DHRS7B: variants seen among roughly 807,000 people sequenced by gnomAD.
DHRS7B encodes the protein dehydrogenase/reductase 7B, also known as peroxisomal reductase activating PPAR-gamma.
Under a neutral mutation model 26.4 loss-of-function variants are expected in DHRS7B, and 24 were observed. The ratio of observed to expected loss-of-function variants is 0.91; its 90% CI spans 0.66 to 1.28. DHRS7B has a LOEUF of 1.28. Among genes scored for constraint, DHRS7B ranks in the 50% most tolerant of loss-of-function variants. DHRS7B has a pLI of 0.00. For synonymous variants in DHRS7B, 142 were observed against 166.4 expected (o/e 0.85, Z 1.13); for missense variants, 368 against 419.4 (o/e 0.88, Z 1.07).
chr17:21,152,744 C>T (rs1175847508), intron 1 of DHRS7B, among the ~76,000 whole-genome samples: 1 of 152,212 alleles, frequency 6.6e-6, no homozygotes, highest in Non-Finnish European at 1.5e-5. Context: ...AAGGGTAATA[C>T]TCAACCTCAG....
chr17:21,148,558 A>G (rs2143973972), intron 1 of DHRS7B, among the ~76,000 whole-genome samples: 1 of 152,240 alleles, frequency 6.6e-6, no homozygotes, highest in South Asian at 2.1e-4. Flanking sequence ...AGCCTGGCCA[A>G]TGTGGTGAAA....
intron 1 of DHRS7B, among the ~76,000 whole-genome samples, chr17:21,133,929 A>G (rs1269547664): frequency 2.0e-5 from 3 of 152,098 alleles, no homozygotes; most frequent in East Asian, 3.9e-4. Flanking sequence ...ATAGGTTGCT[A>G]TTATTTTCTT....
intron 6 of DHRS7B, 88 bp from the exon 7 acceptor site, chr17:21,190,857 CAGG>C: frequency 7.5e-7 from 1 of 1,329,948 alleles, no homozygotes. Flanking sequence ...GGAAAGGCAG[CAGG>C]CTGACCTGAC....
chr17:21,143,265 G>A (rs1973566807), intron 1 of DHRS7B, among the ~76,000 whole-genome samples: 1 of 152,138 alleles, frequency 6.6e-6, no homozygotes, highest in Non-Finnish European at 1.5e-5. Flanking sequence ...GTTTCACCCT[G>A]TTGGCCAAGC....
chr17:21,164,416 TAG>T (rs1158900140), intron 1 of DHRS7B, among the ~76,000 whole-genome samples: 2 of 152,214 alleles, frequency 1.3e-5, no homozygotes, highest in Non-Finnish European at 2.9e-5. Context: ...CCTTTTAAAC[TAG>T]ATTCCTGAAC....
At chr17:21,187,232 G>A (rs908247670) in intron 5 of DHRS7B, among the ~76,000 whole-genome samples, 3 of 151,708 alleles carry the variant, frequency 2.0e-5, no homozygotes, top group African/African-American at 7.3e-5. Context: ...GAAGTGGGAG[G>A]ATTGCTTGAG....
chr17:21,162,600 T>C (rs1385998056), intron 1 of DHRS7B, among the ~76,000 whole-genome samples: 1 of 152,044 alleles, frequency 6.6e-6, no homozygotes, highest in Non-Finnish European at 1.5e-5. Flanking sequence ...GGGAAATCAT[T>C]GTGATGTTTT....
chr17:21,158,840 G>A (rs1311379108), intron 1 of DHRS7B, among the ~76,000 whole-genome samples: 2 of 151,852 alleles, frequency 1.3e-5, no homozygotes, highest in Non-Finnish European at 2.9e-5. Context: ...GAAACAACAA[G>A]TAGATCAATG....
chr17:21,175,257 C>T (rs1974349244), intron 2 of DHRS7B, among the ~76,000 whole-genome samples: 1 of 152,204 alleles, frequency 6.6e-6, no homozygotes, highest in East Asian at 1.9e-4. Flanking sequence ...AGTTTCTTCT[C>T]CTCCCATGTT....
intron 1 of DHRS7B, among the ~76,000 whole-genome samples, chr17:21,161,930 A>G (rs913370642): frequency 6.6e-6 from 1 of 152,062 alleles, no homozygotes; most frequent in Non-Finnish European, 1.5e-5. Context: ...AAACGTTTTC[A>G]GGAGAGTTGT....
intron 5 of DHRS7B, among the ~76,000 whole-genome samples, chr17:21,184,784 A>G (rs1974594723): frequency 6.6e-6 from 1 of 152,218 alleles, no homozygotes; most frequent in African/African-American, 2.4e-5. Flanking sequence ...AGCACTAGGC[A>G]TGTGCTAGCC....
At chr17:21,131,928 T>A (rs150145920) in intron 1 of DHRS7B, among the ~76,000 whole-genome samples, 23 of 152,306 alleles carry the variant, frequency 1.5e-4, no homozygotes, top group African/African-American at 4.3e-4. Context: ...ATAATCCAGA[T>A]TGGTTTAAAA....
chr17:21,182,398 G>A (rs1423677838), intron 3 of DHRS7B, among the ~76,000 whole-genome samples: 4 of 151,932 alleles, frequency 2.6e-5, no homozygotes, highest in Non-Finnish European at 2.9e-5. Flanking sequence ...ACAGGCATAC[G>A]CCTCCATGCC....
intron 2 of DHRS7B, 139 bp downstream of exon 2, chr17:21,172,335 C>G: frequency 9.4e-7 from 1 of 1,062,956 alleles, no homozygotes; most frequent in Non-Finnish European, 1.4e-6. Flanking sequence ...GGCCGGATGG[C>G]ACTGTCCTTG....
At chr17:21,180,539 C>T (rs1049958345) in intron 3 of DHRS7B, among the ~76,000 whole-genome samples, 3 of 152,140 alleles carry the variant, frequency 2.0e-5, no homozygotes, top group Admixed American at 1.3e-4. Context: ...GGCATCCTTA[C>T]AAAAATCAAT....
At chr17:21,132,156 G>C (rs114433570) in intron 1 of DHRS7B, among the ~76,000 whole-genome samples, 1,892 of 152,054 alleles carry the variant, frequency 0.012, 43 homozygotes, top group African/African-American at 0.043. Flanking sequence ...GTAGCTACAT[G>C]GTTGGATAGT....
At chr17:21,161,529 C>T (rs376817832) in intron 1 of DHRS7B, among the ~76,000 whole-genome samples, 11 of 152,258 alleles carry the variant, frequency 7.2e-5, no homozygotes, top group African/African-American at 2.6e-4. Context: ...ATTTGTCCTT[C>T]AAGAAATGCT....
rs977699765 is a variant in DHRS7B at position 21,145,503 on chromosome 17, C to G, written c.20+18512C>G. Among the ~76,000 whole-genome samples the G allele has an allele frequency of 6.2e-4, 94 of 152,190 alleles. 1 individual carries two copies. The highest frequency in any genetic ancestry group is 2.1e-3 in the African/African-American group (89 of 41,522). ...AATATTGTACTGTGTAGAAGCATCTCAATTAATGAAAAGGGGAATTTTAAA... is the reference window on the plus strand; with the variant it reads ...AATATTGTACTGTGTAGAAGCATCTGAATTAATGAAAAGGGGAATTTTAAA... On this transcript the variant is annotated intron_variant, in intron 1 of 6. Coordinates refer to ENST00000395511, the MANE Select transcript of DHRS7B (RefSeq NM_015510.5).
At chr17:21,173,831 T>C (rs1383245580) in intron 2 of DHRS7B, among the ~76,000 whole-genome samples, 2 of 152,188 alleles carry the variant, frequency 1.3e-5, no homozygotes, top group African/African-American at 4.8e-5. Flanking sequence ...GTGAAAGTCC[T>C]TGAAGAGCAT....
Sources: allele counts gnomAD v4.1 joint callset (sites outside exome capture counted in the v4.1 genomes callset), GRCh38; gene constraint gnomAD v4.1.1; transcripts MANE v1.5; gene names NCBI Gene and HGNC (gene_info 2026-07-23, HGNC 2026-07-21).